Variants in EPHA3 observed in about 807,000 individuals in gnomAD.
EPHA3 encodes ephrin type-A receptor 3.
Under a neutral mutation model 107.1 loss-of-function variants are expected in EPHA3, and 42 were observed. The observed-to-expected ratio is 0.39, with a 90% CI of 0.31 to 0.51. The LOEUF is 0.51. Among genes scored for constraint, EPHA3 ranks in the 20% least tolerant of loss-of-function variants. The pLI, the probability that EPHA3 is intolerant of heterozygous loss-of-function variation, is 0.78. For missense variants in EPHA3, 1,183 were observed against 1,211.2 expected (o/e 0.98, Z 0.35); for synonymous variants, 461 against 424.8 (o/e 1.09, Z -1.05).
At chr3:89,188,069 A>G (rs1199183922) in intron 2 of EPHA3, among the ~76,000 whole-genome samples, 1 of 152,182 alleles carries the variant, frequency 6.6e-6, no homozygotes, top group Admixed American at 6.5e-5. Context: ...ATAAAAGAAA[A>G]CTAGTAGGCA....
rs562931345 is a variant in EPHA3, at chr3:89,257,517, G to C, written c.814+46997G>C. Among the ~76,000 whole-genome samples the C allele has an allele frequency of 7.2e-5, 11 of 152,154 alleles. No homozygotes were observed. In the East Asian group the frequency reaches 2.1e-3, roughly 29 times the overall value. Reference sequence around the variant, plus strand: ...TCCTCATTTGAAGCAGAGAAAGTTTGAGGTGATTCTTGAGTATCTTATTAT... The same window carrying C: ...TCCTCATTTGAAGCAGAGAAAGTTTCAGGTGATTCTTGAGTATCTTATTAT... On this transcript the variant is annotated intron_variant, in intron 3 of 16. Coordinates refer to ENST00000336596, the MANE Select transcript of EPHA3 (RefSeq NM_005233.6).
In EPHA3 at chr3:89,239,572, A is replaced by G. The variant is rs77284215; in HGVS notation, c.814+29052A>G. On this transcript the variant is annotated intron_variant, in intron 3 of 16. Coordinates refer to ENST00000336596, the MANE Select transcript of EPHA3 (RefSeq NM_005233.6). ...AAAATATTAAGTTTTGAATGAAGTA[A>G]ATGGGAATTCATAGTAGCATTTTAA... Among the ~76,000 whole-genome samples the G allele has an allele frequency of 2.2e-3, 340 of 152,346 alleles. 2 individuals carry two copies. Among genetic ancestry groups the G allele is most frequent in the South Asian group, 0.016 (75 of 4,830 alleles).
At position 89,347,641 on chromosome 3, in the gene EPHA3, C is replaced by T. The variant is rs1291702097; in HGVS notation, c.1306+5551C>T. ...TGCCTAATTGCCCTGGCCAGAACTT[C>T]CAACACTATGTTGAATAAGAGTGGT... On this transcript the variant is annotated intron_variant, in intron 5 of 16. Transcript: ENST00000336596. Among the ~76,000 whole-genome samples, 15 of 150,726 alleles carry T rather than the reference C, an allele frequency of 1.0e-4. No individual in the cohort carries two copies. In the South Asian group the frequency reaches 1.7e-3, roughly 17 times the overall value.
intron 15 of EPHA3, among the ~76,000 whole-genome samples, chr3:89,468,632 A>G (rs1338724121): frequency 6.6e-6 from 1 of 152,214 alleles, no homozygotes; most frequent in African/African-American, 2.4e-5. Flanking sequence ...GCATGCCTGT[A>G]GATAGTTTAA....
rs370457091 is a variant in EPHA3 at position 89,210,428 on chromosome 3, G to C, written c.722G>C (p.Arg241Thr). ...VNNSKEEDPP[R>T]MYCSTEGEWL... ...AATTCTAAGGAGGAAGATCCTCCAA[G>C]GATGTACTGCAGTACAGAAGGCGAA... is the stretch of plus-strand genomic sequence containing the variant. Residue 241 changes from arginine to threonine, a missense_variant, in exon 3 of 17, where the codon AGG becomes ACG. Physicochemically the swap from Arg to Thr is moderately conservative, Grantham distance 71. Coordinates refer to ENST00000336596, the MANE Select transcript of EPHA3 (RefSeq NM_005233.6). The C allele has an allele frequency of 2.5e-6, 4 of 1,613,502 alleles. No individual in the cohort carries two copies. In the African/African-American group the frequency reaches 5.3e-5, roughly 22 times the overall value.
rs546590983 is a variant in EPHA3 at position 89,160,853 on chromosome 3, AT to A, written c.153+33586del. ...CCTCAAATATTTCTACATTAAAAAC[AT>A]TTTTTAACTACCTATTTCAGAGTGG... On this transcript the variant is annotated intron_variant, in intron 2 of 16. Transcript: ENST00000336596. 4.6e-5 allele frequency among the ~76,000 whole-genome samples: 7 copies of A among 152,160 alleles called. No homozygotes were observed. The South Asian group carries it at 1.0e-3, about 23-fold the overall frequency.
At chr3:89,203,060 G>A (rs982867787) in intron 2 of EPHA3, among the ~76,000 whole-genome samples, 1 of 152,064 alleles carries the variant, frequency 6.6e-6, no homozygotes, top group Non-Finnish European at 1.5e-5. Context: ...ACAGAGACAG[G>A]GGAAGGACGA....
chr3:89,435,479 A>G (rs934613106), intron 13 of EPHA3, among the ~76,000 whole-genome samples: 7 of 145,546 alleles, frequency 4.8e-5, no homozygotes, highest in African/African-American at 1.5e-4. Context: ...ATATATATAA[A>G]TAATATATAA....
At chr3:89,239,085 T>C (rs1308069498) in intron 3 of EPHA3, among the ~76,000 whole-genome samples, 1 of 152,176 alleles carries the variant, frequency 6.6e-6, no homozygotes. Flanking sequence ...GCGAGAGTGA[T>C]TAAACATCTT....
intron 3 of EPHA3, among the ~76,000 whole-genome samples, chr3:89,230,018 A>G (rs781133115): frequency 1.3e-5 from 2 of 152,236 alleles, no homozygotes; most frequent in African/African-American, 4.8e-5. Context: ...CTTGAAATAT[A>G]TAAGTCAGTA....
At chr3:89,303,866 T>A (rs1559639560) in intron 3 of EPHA3, among the ~76,000 whole-genome samples, 1 of 152,146 alleles carries the variant, frequency 6.6e-6, no homozygotes, top group Admixed American at 6.6e-5. Context: ...TGCACCTCTG[T>A]GTTTTTATGT....
At chr3:89,455,641 C>A (rs569935451) in intron 15 of EPHA3, among the ~76,000 whole-genome samples, 33 of 152,278 alleles carry the variant, frequency 2.2e-4, no homozygotes, top group Admixed American at 8.5e-4. Context: ...CTTGTGCCAC[C>A]TTCATCTAAA....
At chr3:89,256,413 AC>A (rs753435572) in intron 3 of EPHA3, among the ~76,000 whole-genome samples, 1 of 151,382 alleles carries the variant, frequency 6.6e-6, no homozygotes, top group Non-Finnish European at 1.5e-5. Flanking sequence ...TCTACTAAAA[AC>A]AAAAAAATTA....
intron 5 of EPHA3, among the ~76,000 whole-genome samples, chr3:89,381,662 T>C (rs1035481464): frequency 1.7e-4 from 26 of 151,844 alleles, no homozygotes; most frequent in South Asian, 4.2e-4. Context: ...GAGTGAGACT[T>C]TGTCTCAAAA....
chr3:89,454,709 T>C (rs576303146), intron 15 of EPHA3, among the ~76,000 whole-genome samples: 1 of 152,352 alleles, frequency 6.6e-6, no homozygotes, highest in Admixed American at 6.5e-5. Flanking sequence ...AAAGCCCTGC[T>C]GACTGGGTGG....
At chr3:89,398,895 C>T (rs968979557) in intron 6 of EPHA3, among the ~76,000 whole-genome samples, 2 of 152,000 alleles carry the variant, frequency 1.3e-5, no homozygotes, top group African/African-American at 4.8e-5. Context: ...TTTGGGCGGC[C>T]GAGGCAGGTG....
At chr3:89,137,448 A>G (rs1704337476) in intron 2 of EPHA3, among the ~76,000 whole-genome samples, 1 of 152,052 alleles carries the variant, frequency 6.6e-6, no homozygotes, top group Non-Finnish European at 1.5e-5. Context: ...GATTAAAAAA[A>G]GAAATTAAAT....
intron 3 of EPHA3, among the ~76,000 whole-genome samples, chr3:89,275,769 G>T (rs4857502): frequency 2.0e-5 from 3 of 151,872 alleles, no homozygotes; most frequent in Non-Finnish European, 4.4e-5. Context: ...TCTGTATCAC[G>T]GAAAAATCTT....
chr3:89,107,903 C>A (rs996796504), intron 1 of EPHA3, 67 bp downstream of exon 1: 11 of 1,499,072 alleles, frequency 7.3e-6, no homozygotes, highest in Non-Finnish European at 1.0e-5. Flanking sequence ...AGCACGTTCT[C>A]ACCGAAGCCT....
Sources: gnomAD v4.1 joint callset for allele counts (sites outside exome capture counted in the v4.1 genomes callset) on GRCh38, gnomAD v4.1.1 for gene constraint, MANE v1.5 for transcripts, NCBI Gene and HGNC (gene_info 2026-07-23, HGNC 2026-07-21) for gene names.